Variants in SLX4IP observed in about 807,000 individuals in gnomAD.
SLX4IP encodes the protein protein SLX4IP.
Under a neutral mutation model 32.9 loss-of-function variants are expected in SLX4IP, and 34 were observed. The observed-to-expected ratio is 1.03, with a 90% CI of 0.79 to 1.38. The LOEUF (loss-of-function observed/expected upper bound fraction) is 1.38. Ranked by LOEUF, SLX4IP falls within the 40% of genes most tolerant of loss-of-function variation. The probability of loss-of-function intolerance (pLI) is 0.00; values close to 1 mark genes in which losing one functional copy is unlikely to be tolerated. For missense variants in SLX4IP, 444 were observed against 479.0 expected (o/e 0.93, Z 0.68); for synonymous variants, 172 against 171.7 (o/e 1.00, Z -0.01).
At chr20:10,502,709 T>A (rs151307971) in intron 2 of SLX4IP, among the ~76,000 whole-genome samples, 1 of 152,252 alleles carries the variant, frequency 6.6e-6, no homozygotes, top group East Asian at 1.9e-4. Flanking sequence ...TTTTCTGTCT[T>A]GTTCTCTGCC....
intron 5 of SLX4IP, among the ~76,000 whole-genome samples, chr20:10,600,134 C>T (rs1002461279): frequency 4.6e-5 from 7 of 151,946 alleles, no homozygotes; most frequent in Non-Finnish European, 1.0e-4. Context: ...TACCATTTAT[C>T]GCAATAAGAT....
intron 2 of SLX4IP, among the ~76,000 whole-genome samples, chr20:10,476,310 GTCTTAAA>G (rs1405378777): frequency 6.6e-6 from 1 of 152,156 alleles, no homozygotes; most frequent in African/African-American, 2.4e-5. Context: ...CATGAATCTG[GTCTTAAA>G]TCTTAAATTT....
At position 10,560,742 on chromosome 20, in the gene SLX4IP, C is replaced by A; in HGVS notation, c.160C>A (p.Gln54Lys). ...AAAAGAAACCATTGATTCAAGAGTT[C>A]AGGAGTACTTGGAAGTTCGCAAACA... ...LLKETIDSRV[Q>K]EYLEVRKQHR... Residue 54 changes from glutamine to lysine, a missense_variant, in exon 4 of 8, where the codon CAG becomes AAG. Coordinates refer to ENST00000334534, the MANE Select transcript of SLX4IP (RefSeq NM_001009608.3). The A allele has an allele frequency of 6.2e-7, 1 of 1,605,522 alleles. No homozygotes were observed. The highest frequency in any genetic ancestry group is 8.5e-7 in the Non-Finnish European group (1 of 1,175,722).
chr20:10,577,629 G>A (rs1213914557), intron 4 of SLX4IP, among the ~76,000 whole-genome samples: 1 of 152,242 alleles, frequency 6.6e-6, no homozygotes, highest in Non-Finnish European at 1.5e-5. Flanking sequence ...GCTGAGGCAG[G>A]AGAATGGCTT....
chr20:10,570,295 T>C (rs2066446416), intron 4 of SLX4IP, among the ~76,000 whole-genome samples: 1 of 152,236 alleles, frequency 6.6e-6, no homozygotes, highest in African/African-American at 2.4e-5. Flanking sequence ...AGCTAACTCT[T>C]ACTCCCTGGG....
At chr20:10,485,574 C>T (rs2122387946) in intron 2 of SLX4IP, among the ~76,000 whole-genome samples, 1 of 151,388 alleles carries the variant, frequency 6.6e-6, no homozygotes, top group East Asian at 1.9e-4. Context: ...CCCGAGATCG[C>T]ACCACTACAC....
chr20:10,552,144 A>T (rs544732943), intron 2 of SLX4IP, among the ~76,000 whole-genome samples: 1 of 152,286 alleles, frequency 6.6e-6, no homozygotes, highest in African/African-American at 2.4e-5. Flanking sequence ...GCCAGACCAG[A>T]CCCTGGCTGG....
intron 2 of SLX4IP, among the ~76,000 whole-genome samples, chr20:10,545,901 C>T (rs1009439735): frequency 2.0e-5 from 3 of 152,182 alleles, no homozygotes; most frequent in African/African-American, 7.2e-5. Context: ...TTCTTTGACT[C>T]ATATGTAGTT....
intron 4 of SLX4IP, among the ~76,000 whole-genome samples, chr20:10,590,543 T>C (rs2066697373): frequency 6.6e-6 from 1 of 151,936 alleles, no homozygotes; most frequent in Non-Finnish European, 1.5e-5. Context: ...TGTATTTTAG[T>C]AGAGATGGGG....
chr20:10,591,340 G>T (rs973052803), intron 4 of SLX4IP, among the ~76,000 whole-genome samples: 3 of 152,174 alleles, frequency 2.0e-5, no homozygotes, highest in African/African-American at 7.2e-5. Flanking sequence ...TTGGGTCCAT[G>T]GTCCTGTTAG....
intron 2 of SLX4IP, among the ~76,000 whole-genome samples, chr20:10,475,935 T>C (rs952977635): frequency 2.0e-5 from 3 of 152,200 alleles, no homozygotes; most frequent in Admixed American, 1.3e-4. Context: ...ACAGGCCTTT[T>C]TACAGAACAT....
At chr20:10,518,117 C>T (rs571129115) in intron 2 of SLX4IP, among the ~76,000 whole-genome samples, 10 of 152,152 alleles carry the variant, frequency 6.6e-5, no homozygotes, top group Non-Finnish European at 1.0e-4. Context: ...CCGTGGCACA[C>T]GCTTACCTAC....
At chr20:10,462,373 C>T (rs2065345206) in intron 2 of SLX4IP, among the ~76,000 whole-genome samples, 1 of 152,194 alleles carries the variant, frequency 6.6e-6, no homozygotes, top group African/African-American at 2.4e-5. Context: ...AAGAGTTGTG[C>T]TAAGGTATAT....
intron 2 of SLX4IP, among the ~76,000 whole-genome samples, chr20:10,488,077 T>C (rs1220584244): frequency 6.9e-6 from 1 of 145,118 alleles, no homozygotes; most frequent in African/African-American, 2.6e-5. Flanking sequence ...CTGGGTTCTC[T>C]CCCCAGGTCC....
chr20:10,544,596 A>G (rs776971763), intron 2 of SLX4IP, among the ~76,000 whole-genome samples: 8 of 152,156 alleles, frequency 5.3e-5, no homozygotes, highest in Non-Finnish European at 1.2e-4. Flanking sequence ...CATGTTGCCT[A>G]GGCTAGACTC....
At chr20:10,577,892 A>C (rs1444014981) in intron 4 of SLX4IP, among the ~76,000 whole-genome samples, 1 of 152,206 alleles carries the variant, frequency 6.6e-6, no homozygotes, top group Non-Finnish European at 1.5e-5. Context: ...TTTCCATTGT[A>C]GCCTCTTGTT....
intron 2 of SLX4IP, among the ~76,000 whole-genome samples, chr20:10,555,981 G>A (rs2066262791): frequency 6.6e-6 from 1 of 152,160 alleles, no homozygotes; most frequent in Non-Finnish European, 1.5e-5. Context: ...GCAGCCCAGA[G>A]ACAGATATTT....
chr20:10,541,467 A>G (rs1027054162), intron 2 of SLX4IP, among the ~76,000 whole-genome samples: 19 of 152,236 alleles, frequency 1.2e-4, no homozygotes, highest in East Asian at 3.8e-4. Context: ...AGGCTGTCCA[A>G]TGTGGCAGTG....
Position 10,536,573 on chromosome 20 carries a change from C to G in SLX4IP, c.28-19658C>G, listed in dbSNP as rs117993176. Among the ~76,000 whole-genome samples the G allele has an allele frequency of 7.9e-3, 1,204 of 152,258 alleles. 12 individuals carry two copies. Among genetic ancestry groups the G allele is most frequent in the Non-Finnish European group, 0.012 (795 of 68,012 alleles). Reference sequence around the variant, plus strand: ...GCAGGCAGTTTCCTAAGGTCTGGCTCCCTTGGCAAACGTTACCTTGGCTGC... The same window carrying G: ...GCAGGCAGTTTCCTAAGGTCTGGCTGCCTTGGCAAACGTTACCTTGGCTGC... On this transcript the variant is annotated intron_variant, in intron 2 of 7. Coordinates refer to ENST00000334534, the MANE Select transcript of SLX4IP (RefSeq NM_001009608.3).
Sources: gnomAD v4.1 joint callset for allele counts (sites outside exome capture counted in the v4.1 genomes callset) on GRCh38, gnomAD v4.1.1 for gene constraint, MANE v1.5 for transcripts, NCBI Gene and HGNC (gene_info 2026-07-23, HGNC 2026-07-21) for gene names.